The following LYSMD2 variants were observed in gnomAD, a reference collection of about 807,000 sequenced individuals.
LYSMD2 encodes the protein lysM and putative peptidoglycan-binding domain-containing protein 2.
LYSMD2 carries 6 observed loss-of-function variants against 17.7 expected under a neutral mutation model. The observed-to-expected ratio is 0.34, with a 90% CI of 0.19 to 0.67. The LOEUF (loss-of-function observed/expected upper bound fraction) is 0.67, where lower values mean the gene tolerates loss of function less well. LYSMD2 is among the 30% of genes least tolerant of loss of function. The pLI is 0.69. For missense variants in LYSMD2, 237 were observed against 286.7 expected, an observed-to-expected ratio of 0.83 and a Z score of 1.25; for synonymous variants, 102 against 129.8, an observed-to-expected ratio of 0.79 and a Z score of 1.45.
At chr15:51,738,814 C>G (rs1034321965), upstream of LYSMD2, among the ~76,000 whole-genome samples, 1 of 152,140 alleles carries the variant, frequency 6.6e-6, no homozygotes, top group African/African-American at 2.4e-5. Context: ...ACTCAAAACT[C>G]CTACAATGGC....
In LYSMD2 at chr15:51,723,170, C is replaced by T. The variant is rs2055513538; in HGVS notation, c.*437G>A. 1 of 153,914 alleles carries T rather than the reference C, an allele frequency of 6.5e-6. No individual in the cohort carries two copies. Among genetic ancestry groups the T allele is most frequent in the African/African-American group, 2.4e-5 (1 of 41,384 alleles). 9.5% of individuals were successfully genotyped at this position (153,914 alleles called of 1,614,324 possible). On this transcript the variant is annotated 3_prime_UTR_variant, in exon 3 of 3. Coordinates refer to ENST00000267838, the MANE Select transcript of LYSMD2 (RefSeq NM_153374.3). The stretch of plus-strand genomic sequence containing the variant: ...TTATATTAATAGAGAATATGTAAGA[C>T]ATATCGAAATATATATATAGCACTT...
chr15:51,736,316 C>A (rs2055608338), intron 1 of LYSMD2, among the ~76,000 whole-genome samples: 1 of 152,178 alleles, frequency 6.6e-6, no homozygotes, highest in African/African-American at 2.4e-5. Context: ...ATGTATAGAA[C>A]TCCCAAGAGG....
At chr15:51,748,886 T>A (rs551719952) in intron 1 of LYSMD2, among the ~76,000 whole-genome samples, 1 of 152,348 alleles carries the variant, frequency 6.6e-6, no homozygotes, top group East Asian at 1.9e-4. Context: ...CAACCAACAG[T>A]GTCTACTACC....
intron 1 of LYSMD2, among the ~76,000 whole-genome samples, chr15:51,733,928 T>G (rs2055592716): frequency 6.6e-6 from 1 of 152,152 alleles, no homozygotes; most frequent in African/African-American, 2.4e-5. Flanking sequence ...CTCACGCTTG[T>G]AATCCCAACA....
In LYSMD2 at chr15:51,737,383, C is replaced by T. The variant is rs1299587927; in HGVS notation, c.240G>A (p.Thr80=). ...HVEHRVRAGD[T]LQGIALKYGV... ...CGTACTTGAGCGCGATGCCCTGCAGCGTGTCGCCCGCGCGGACCCGGTGCT... is the reference window on the plus strand; with the variant it reads ...CGTACTTGAGCGCGATGCCCTGCAGTGTGTCGCCCGCGCGGACCCGGTGCT... The change falls in exon 1 of 3, where the codon ACG becomes ACA. Residue 80 remains threonine, a synonymous_variant. Coordinates refer to ENST00000267838, the MANE Select transcript of LYSMD2 (RefSeq NM_153374.3). This position sits in a 1 kb window ranked among gnomAD's most constrained non-coding sequence, Gnocchi z 4.2. The T allele has an allele frequency of 6.9e-7, 1 of 1,456,598 alleles. No individual in the cohort carries two copies. The highest frequency in any genetic ancestry group is 1.3e-5 in the South Asian group (1 of 76,066). 90.2% of individuals were successfully genotyped at this position (1,456,598 alleles called of 1,614,324 possible).
chr15:51,744,554 T>C (rs1410491412), intron 1 of LYSMD2, among the ~76,000 whole-genome samples: 2 of 152,310 alleles, frequency 1.3e-5, no homozygotes, highest in East Asian at 3.9e-4. Context: ...TTTTAATATT[T>C]TGTTGAGGAC....
intron 2 of LYSMD2, among the ~76,000 whole-genome samples, 192 bp downstream of exon 2, chr15:51,724,598 A>AAG (rs1567226452): frequency 2.8e-5 from 3 of 107,716 alleles, no homozygotes; most frequent in African/African-American, 9.3e-5. Flanking sequence ...TTAAAGCAAA[A>AAG]AAAGAAAGAA....
intron 1 of LYSMD2, among the ~76,000 whole-genome samples, chr15:51,725,748 A>G (rs185282236): frequency 6.6e-6 from 1 of 152,278 alleles, no homozygotes; most frequent in African/African-American, 2.4e-5. Flanking sequence ...ATATTCCCAT[A>G]TATATCTATA....
At position 51,737,487 on chromosome 15, in the gene LYSMD2, G is replaced by A. The variant is rs2055618671; in HGVS notation, c.136C>T (p.Arg46Cys). The change falls in exon 1 of 3, where the codon CGC becomes TGC. Residue 46 changes from arginine to cysteine, a missense_variant. Coordinates refer to ENST00000267838, the MANE Select transcript of LYSMD2 (RefSeq NM_153374.3). The surrounding 1 kb of genome is among the most constrained non-coding windows in gnomAD (Gnocchi z 4.2). ...CTGCCGTACGAGCGGGTCTTGGTGCGGGCCAGGCTCAGCGACAGCTCGGCC... is the reference window on the plus strand; with the variant it reads ...CTGCCGTACGAGCGGGTCTTGGTGCAGGCCAGGCTCAGCGACAGCTCGGCC... ...EEAELSLSLA[R>C]TKTRSYGSTA... 2 of 1,383,058 alleles carry A rather than the reference G, an allele frequency of 1.4e-6. No homozygotes were observed. The highest frequency in any genetic ancestry group is 1.6e-5 in the South Asian group (1 of 64,474). The allele number at this position is 1,383,058 out of a possible 1,614,324, so 85.7% of individuals were successfully genotyped here. A position where few individuals can be genotyped will look rare whatever the true frequency, so the allele number is the denominator to read the frequency against.
intron 1 of LYSMD2, among the ~76,000 whole-genome samples, chr15:51,744,006 A>AT (rs1032497262): frequency 6.6e-5 from 10 of 151,766 alleles, no homozygotes; most frequent in Admixed American, 5.3e-4. Context: ...CAGAGTTTGG[A>AT]TTTTTTTGTT....
At chr15:51,724,642 GAAAGAAATTAAGAAAA>G in intron 2 of LYSMD2, 132 bp downstream of exon 2, 1 of 508,798 alleles carries the variant, frequency 2.0e-6, no homozygotes, top group African/African-American at 2.0e-5. Context: ...AATTAAGAAA[GAAAGAAATTAAGAAAA>G]AAAGAAAAAA....
intron 1 of LYSMD2, among the ~76,000 whole-genome samples, chr15:51,750,357 C>T (rs374587850): frequency 1.3e-5 from 2 of 152,190 alleles, no homozygotes; most frequent in African/African-American, 4.8e-5. Flanking sequence ...TTTTTGGCCA[C>T]ACGATTACTG....
At chr15:51,740,874 T>C (rs1259387890), upstream of LYSMD2, among the ~76,000 whole-genome samples, 1 of 152,118 alleles carries the variant, frequency 6.6e-6, no homozygotes, top group African/African-American at 2.4e-5. Context: ...ATATAAAACT[T>C]TTTTGAAGTA....
intron 1 of LYSMD2, among the ~76,000 whole-genome samples, chr15:51,749,374 C>CT (rs2055685247): frequency 6.6e-6 from 1 of 152,208 alleles, no homozygotes; most frequent in African/African-American, 2.4e-5. Context: ...TCAGAAGTTT[C>CT]TTTTCACAAC....
chr15:51,736,176 CG>C (rs1219633971), intron 1 of LYSMD2, among the ~76,000 whole-genome samples: 1 of 152,186 alleles, frequency 6.6e-6, no homozygotes, highest in Non-Finnish European at 1.5e-5. Flanking sequence ...ACAAGACAAA[CG>C]CAATGCCTGC....
chr15:51,738,808 A>T (rs1287951979), upstream of LYSMD2, among the ~76,000 whole-genome samples: 1 of 152,238 alleles, frequency 6.6e-6, no homozygotes, highest in African/African-American at 2.4e-5. Flanking sequence ...CATCCCACTC[A>T]AAACTCCTAC....
chr15:51,734,617 G>GA (rs2055597305), intron 1 of LYSMD2, among the ~76,000 whole-genome samples: 1 of 152,200 alleles, frequency 6.6e-6, no homozygotes, highest in South Asian at 2.1e-4. Flanking sequence ...GCTCATCTGT[G>GA]CAAGATTGAC....
intron 1 of LYSMD2, among the ~76,000 whole-genome samples, chr15:51,749,864 A>C (rs1475596053): frequency 2.0e-5 from 3 of 152,248 alleles, no homozygotes; most frequent in Non-Finnish European, 1.5e-5. Context: ...TAATTTGGTC[A>C]CACCCCCATT....
In LYSMD2 at chr15:51,723,182, T is replaced by C. The variant is rs1174472080; in HGVS notation, c.*425A>G. The C allele has an allele frequency of 1.3e-5, 2 of 156,706 alleles. No homozygotes were observed. Among genetic ancestry groups the C allele is most frequent in the Non-Finnish European group, 2.8e-5 (2 of 70,674 alleles). The allele number at this position is 156,706 out of a possible 1,614,324, so 9.7% of individuals were successfully genotyped here. ...AGAATATGTAAGACATATCGAAATA[T>C]ATATATAGCACTTAAGTTATAAACA... On this transcript the variant is annotated 3_prime_UTR_variant, in exon 3 of 3. Transcript: ENST00000267838.
Sources: allele counts gnomAD v4.1 joint callset (sites outside exome capture counted in the v4.1 genomes callset), GRCh38; gene constraint gnomAD v4.1.1; non-coding constraint Gnocchi (gnomAD v3.1); transcripts MANE v1.5; gene names NCBI Gene and HGNC (gene_info 2026-07-23, HGNC 2026-07-21).